The following LRRTM4 variants were observed in gnomAD, a reference collection of about 807,000 sequenced individuals.
LRRTM4 encodes leucine-rich repeat transmembrane neuronal protein 4.
LRRTM4 carries 25 observed loss-of-function variants against 47.6 expected under a neutral mutation model. The ratio of observed to expected loss-of-function variants is 0.53; its 90% CI spans 0.38 to 0.73. The LOEUF is 0.73. Among genes scored for constraint, LRRTM4 ranks in the 30% least tolerant of loss-of-function variants. LRRTM4 has a pLI of 0.00. For missense variants in LRRTM4, 638 were observed against 713.4 expected (o/e 0.89, Z 1.20); for synonymous variants, 311 against 269.5 (o/e 1.15, Z -1.51).
chr2:77,490,521 G>A (rs1195047721), intron 3 of LRRTM4, among the ~76,000 whole-genome samples: 2 of 152,038 alleles, frequency 1.3e-5, no homozygotes, highest in Non-Finnish European at 2.9e-5. Context: ...TCTGGGAGGT[G>A]CAATCCACAA....
chr2:76,860,162 CACA>C (rs1672270883), intron 3 of LRRTM4, among the ~76,000 whole-genome samples: 1 of 152,090 alleles, frequency 6.6e-6, no homozygotes, highest in Non-Finnish European at 1.5e-5. Flanking sequence ...CTAATGATAT[CACA>C]ACAATATACT....
chr2:77,494,020 C>T (rs921195716), intron 3 of LRRTM4, among the ~76,000 whole-genome samples: 5 of 151,950 alleles, frequency 3.3e-5, no homozygotes, highest in Non-Finnish European at 7.4e-5. Context: ...AATTAGGAAA[C>T]CTTATAAATT....
chr2:77,004,169 G>C (rs962331619), intron 3 of LRRTM4, among the ~76,000 whole-genome samples: 1 of 152,172 alleles, frequency 6.6e-6, no homozygotes, highest in South Asian at 2.1e-4. Context: ...AGAAATTCAA[G>C]CCTTCAGCAG....
At chr2:77,164,593 C>A (rs1672827512) in intron 3 of LRRTM4, among the ~76,000 whole-genome samples, 1 of 152,158 alleles carries the variant, frequency 6.6e-6, no homozygotes, top group Non-Finnish European at 1.5e-5. Context: ...TGAAAAAGAA[C>A]AGAAATTATA....
intron 3 of LRRTM4, among the ~76,000 whole-genome samples, chr2:77,122,694 T>C (rs1671551528): frequency 6.6e-6 from 1 of 151,712 alleles, no homozygotes; most frequent in African/African-American, 2.4e-5. Flanking sequence ...CATAAATTTT[T>C]TTCCTCATGG....
chr2:76,759,974 A>G (rs1461296753), intron 3 of LRRTM4, among the ~76,000 whole-genome samples: 1 of 152,104 alleles, frequency 6.6e-6, no homozygotes, highest in Non-Finnish European at 1.5e-5. Flanking sequence ...CTAATAGTTT[A>G]CCCCAAAGTA....
intron 3 of LRRTM4, among the ~76,000 whole-genome samples, chr2:77,138,346 A>G (rs915541271): frequency 3.3e-5 from 5 of 152,212 alleles, no homozygotes; most frequent in Admixed American, 1.3e-4. Flanking sequence ...CTACATGGAA[A>G]CAGAAAAACC....
chr2:77,272,868 C>A (rs1676242794), intron 3 of LRRTM4, among the ~76,000 whole-genome samples: 1 of 152,110 alleles, frequency 6.6e-6, no homozygotes. Context: ...AAGTGCTCAG[C>A]CTCACATATT....
At chr2:77,146,823 C>G (rs2103775245) in intron 3 of LRRTM4, among the ~76,000 whole-genome samples, 1 of 152,138 alleles carries the variant, frequency 6.6e-6, no homozygotes, top group African/African-American at 2.4e-5. Context: ...CTTATGCAGA[C>G]AGTTGGAAGA....
rs543080617 is a variant in LRRTM4, at chr2:77,484,019, C to A, written c.1551+34299G>T. The stretch of plus-strand genomic sequence containing the variant: ...CAGTCTTACAAAGTTTGTCTAAGAT[C>A]CCAAAGCATATATGTTGTTGTGTTA... On this transcript the variant is annotated intron_variant, in intron 3 of 3. Coordinates refer to ENST00000409884, the MANE Select transcript of LRRTM4 (RefSeq NM_001134745.3). Among the ~76,000 whole-genome samples, 4 of 152,244 alleles carry A rather than the reference C, an allele frequency of 2.6e-5. No individual in the cohort carries two copies. The South Asian group carries it at 8.3e-4, about 32-fold the overall frequency.
chr2:77,061,414 C>T (rs939015165), intron 3 of LRRTM4, among the ~76,000 whole-genome samples: 20 of 151,964 alleles, frequency 1.3e-4, no homozygotes, highest in Admixed American at 5.3e-4. Context: ...AATAATAAAC[C>T]TGCAGAGTTG....
intron 3 of LRRTM4, among the ~76,000 whole-genome samples, chr2:76,823,363 A>G (rs1671104959): frequency 6.6e-6 from 1 of 151,496 alleles, no homozygotes; most frequent in African/African-American, 2.4e-5. Flanking sequence ...TGTAGAAATC[A>G]TGAACACATA....
intron 3 of LRRTM4, among the ~76,000 whole-genome samples, chr2:77,296,320 A>G (rs1343796514): frequency 2.0e-5 from 3 of 152,204 alleles, no homozygotes; most frequent in African/African-American, 4.8e-5. Context: ...CAATGACATT[A>G]AATGGTTTTT....
intron 3 of LRRTM4, among the ~76,000 whole-genome samples, chr2:77,475,653 C>G (rs1677358238): frequency 6.6e-6 from 1 of 151,448 alleles, no homozygotes; most frequent in South Asian, 2.1e-4. Context: ...TCTATATTGT[C>G]TTCTACAAAG....
At chr2:77,050,865 A>T (rs114688015) in intron 3 of LRRTM4, among the ~76,000 whole-genome samples, 7 of 152,282 alleles carry the variant, frequency 4.6e-5, no homozygotes, top group Middle Eastern at 3.4e-3. Flanking sequence ...AGAACTTCTC[A>T]GATATTATTC....
At chr2:77,218,699 T>A (rs1367818258) in intron 3 of LRRTM4, among the ~76,000 whole-genome samples, 4 of 152,136 alleles carry the variant, frequency 2.6e-5, no homozygotes, top group Non-Finnish European at 1.5e-5. Context: ...AGATTTCTCC[T>A]AACATAGTCT....
chr2:77,506,322 G>C (rs536848477), intron 3 of LRRTM4, among the ~76,000 whole-genome samples: 1 of 151,722 alleles, frequency 6.6e-6, no homozygotes, highest in South Asian at 2.1e-4. Context: ...TAAACCTATA[G>C]AGGAAATGAT....
At chr2:77,407,678 A>G (rs1429892094) in intron 3 of LRRTM4, among the ~76,000 whole-genome samples, 1 of 134,776 alleles carries the variant, frequency 7.4e-6, no homozygotes, top group Non-Finnish European at 1.5e-5. Flanking sequence ...TAATTATATA[A>G]TATTTAATAT....
intron 3 of LRRTM4, among the ~76,000 whole-genome samples, chr2:77,054,427 TA>T (rs1440231189): frequency 6.6e-6 from 1 of 152,154 alleles, no homozygotes; most frequent in Non-Finnish European, 1.5e-5. Context: ...GCTAGACAAA[TA>T]CTTCTCCACA....
Sources: gnomAD v4.1 joint callset for allele counts (sites outside exome capture counted in the v4.1 genomes callset) on GRCh38, gnomAD v4.1.1 for gene constraint, MANE v1.5 for transcripts, NCBI Gene and HGNC (gene_info 2026-07-23, HGNC 2026-07-21) for gene names.